The following SNX29 variants were observed in gnomAD, a reference collection of about 807,000 sequenced individuals.
The protein encoded by SNX29 is sorting nexin-29.
Under a neutral mutation model 102.1 loss-of-function variants are expected in SNX29, and 78 were observed. The observed-to-expected ratio is 0.76, with a 90% CI of 0.64 to 0.92. The LOEUF (loss-of-function observed/expected upper bound fraction) is 0.92. SNX29 is among the 40% of genes least tolerant of loss of function. The pLI is 0.00. For missense variants in SNX29, 1,280 were observed against 1,061.7 expected (o/e 1.21, Z -2.86); for synonymous variants, 580 against 414.5 (o/e 1.40, Z -4.85).
At chr16:11,989,890 A>G (rs1286292763) in intron 1 of SNX29, among the ~76,000 whole-genome samples, 1 of 152,122 alleles carries the variant, frequency 6.6e-6, no homozygotes, top group African/African-American at 2.4e-5. Flanking sequence ...AGCCATCGGG[A>G]GGCTGTTTTT....
In SNX29 at chr16:12,154,083, T is replaced by A. The variant is rs998292799; in HGVS notation, c.1595+24325T>A. On this transcript the variant is annotated intron_variant, in intron 13 of 20. Coordinates refer to ENST00000566228, the MANE Select transcript of SNX29 (RefSeq NM_032167.5). The stretch of plus-strand genomic sequence containing the variant: ...ATTTTTATGGAGTTTGACATACAAA[T>A]AATTAGAAGTTTGGGTTTTCCCTCT... Among the ~76,000 whole-genome samples the A allele has an allele frequency of 3.9e-5, 6 of 152,310 alleles. 1 individual carries two copies. Among genetic ancestry groups the A allele is most frequent in the Admixed American group, 3.9e-4 (6 of 15,296 alleles).
chr16:12,261,712 G>A (rs868211916), intron 14 of SNX29, among the ~76,000 whole-genome samples: 23 of 115,994 alleles, frequency 2.0e-4, no homozygotes, highest in East Asian at 2.9e-4. Flanking sequence ...GGGTCTGTGC[G>A]TGCGTCCCCG....
Position 11,976,787 on chromosome 16 carries a change from C to T in SNX29, c.-20C>T. 1 of 1,358,320 alleles carries T rather than the reference C, an allele frequency of 7.4e-7. No homozygotes were observed. The highest frequency in any genetic ancestry group is 9.5e-7 in the Non-Finnish European group (1 of 1,054,242). 84.1% of individuals were successfully genotyped at this position (1,358,320 alleles called of 1,614,324 possible). ...CAGCGGCGGCGGCGCGGCGCAGGCACCGGCCCGGGGAGAGGCACCATGAGC... is the reference window on the plus strand; with the variant it reads ...CAGCGGCGGCGGCGCGGCGCAGGCATCGGCCCGGGGAGAGGCACCATGAGC... On this transcript the variant is annotated 5_prime_UTR_variant, in exon 1 of 21. Coordinates refer to ENST00000566228, the MANE Select transcript of SNX29 (RefSeq NM_032167.5).
intron 18 of SNX29, among the ~76,000 whole-genome samples, chr16:12,457,195 C>T (rs1567582893): frequency 6.6e-6 from 1 of 152,156 alleles, no homozygotes; most frequent in East Asian, 1.9e-4. Context: ...GTACAATAAA[C>T]ACCGGTCATG....
At chr16:12,472,529 C>CAAAAAAAAAAAAAAAACA (rs60223249) in intron 18 of SNX29, among the ~76,000 whole-genome samples, 1 of 72,938 alleles carries the variant, frequency 1.4e-5, no homozygotes, top group Non-Finnish European at 3.3e-5. Flanking sequence ...AAAAAAAAAC[C>CAAAAAAAAAAAAAAAACA]AAAAAAAAAA....
At chr16:12,539,342 T>G (rs1387902763) in intron 20 of SNX29, among the ~76,000 whole-genome samples, 1 of 151,894 alleles carries the variant, frequency 6.6e-6, no homozygotes. Context: ...GAATGTCACA[T>G]AAATGGAATC....
At chr16:12,011,676 A>G (rs1348913137) in intron 3 of SNX29, among the ~76,000 whole-genome samples, 1 of 152,134 alleles carries the variant, frequency 6.6e-6, no homozygotes, top group Non-Finnish European at 1.5e-5. Flanking sequence ...TTATGTTAGC[A>G]CCGTCATCTT....
At chr16:12,418,738 C>G (rs4781233) in intron 18 of SNX29, among the ~76,000 whole-genome samples, 70,427 of 151,920 alleles carry the variant, frequency 0.46, 18,047 homozygotes, top group Non-Finnish European at 0.58. Flanking sequence ...TGGTCTCGAC[C>G]TCCTAACCTC....
intron 20 of SNX29, among the ~76,000 whole-genome samples, chr16:12,561,549 A>G (rs187299608): frequency 6.6e-6 from 1 of 152,158 alleles, no homozygotes; most frequent in Non-Finnish European, 1.5e-5. Flanking sequence ...AGCCATTTTC[A>G]CTGATGAGCA....
At chr16:12,472,911 C>T (rs932326136) in intron 18 of SNX29, among the ~76,000 whole-genome samples, 1 of 152,136 alleles carries the variant, frequency 6.6e-6, no homozygotes, top group Non-Finnish European at 1.5e-5. Context: ...ATATTACCCT[C>T]CTATTTAATC....
rs1235005598 is a variant in SNX29 at position 12,569,131 on chromosome 16, G to A, written c.*502G>A. On this transcript the variant is annotated 3_prime_UTR_variant, in exon 21 of 21. Coordinates refer to ENST00000566228, the MANE Select transcript of SNX29 (RefSeq NM_032167.5). ...GGGATGGCTGGCTTTGCGGGGGGGG[G>A]GGGGGGGGGGGGCATGGTTCCTTTC... 1.3e-4 allele frequency: 19 copies of A among 144,030 alleles called. No homozygotes were observed. Among genetic ancestry groups the A allele is most frequent in the Non-Finnish European group, 1.6e-4 (12 of 73,690 alleles). The allele number at this position is 144,030 out of a possible 1,614,324, so 8.9% of individuals were successfully genotyped here.
At chr16:12,390,136 C>T (rs970201063) in intron 16 of SNX29, among the ~76,000 whole-genome samples, 10 of 146,318 alleles carry the variant, frequency 6.8e-5, no homozygotes, top group Non-Finnish European at 1.2e-4. Flanking sequence ...TTACCCCGTG[C>T]GTGCAATTGA....
intron 14 of SNX29, among the ~76,000 whole-genome samples, chr16:12,273,323 T>G (rs2079146145): frequency 7.2e-6 from 1 of 139,630 alleles, no homozygotes; most frequent in African/African-American, 2.9e-5. Flanking sequence ...ATAATTTTAG[T>G]GGTGGTTTTT....
chr16:12,359,057 G>C (rs932757168), intron 16 of SNX29, among the ~76,000 whole-genome samples: 1 of 152,236 alleles, frequency 6.6e-6, no homozygotes, highest in Non-Finnish European at 1.5e-5. Context: ...TTTATTGCTA[G>C]TGAGTCAGAA....
At chr16:12,227,697 C>T (rs1158025296) in intron 14 of SNX29, among the ~76,000 whole-genome samples, 3 of 151,930 alleles carry the variant, frequency 2.0e-5, no homozygotes, top group African/African-American at 4.8e-5. Flanking sequence ...ATCAGGAGTT[C>T]AAGACCATCT....
At chr16:12,050,496 A>T (rs1349313922) in intron 7 of SNX29, among the ~76,000 whole-genome samples, 3 of 152,036 alleles carry the variant, frequency 2.0e-5, no homozygotes, top group Non-Finnish European at 4.4e-5. Context: ...CGGCTCACTC[A>T]TGGGAGCTGG....
chr16:12,080,057 G>C (rs950127945), intron 11 of SNX29, among the ~76,000 whole-genome samples: 1 of 151,944 alleles, frequency 6.6e-6, no homozygotes, highest in African/African-American at 2.4e-5. Flanking sequence ...TCCTGAATAG[G>C]AGCCCATGGT....
chr16:12,430,449 C>G (rs988039747), intron 18 of SNX29, among the ~76,000 whole-genome samples: 1 of 152,228 alleles, frequency 6.6e-6, no homozygotes, highest in Admixed American at 6.5e-5. Flanking sequence ...GGATCAGGCA[C>G]ACCTGCTTTG....
chr16:12,080,306 G>T (rs1278874741), intron 11 of SNX29, among the ~76,000 whole-genome samples: 2 of 152,220 alleles, frequency 1.3e-5, no homozygotes, highest in Non-Finnish European at 2.9e-5. Flanking sequence ...GAAGCAGGAA[G>T]TGAGCAGACA....
Sources: gnomAD v4.1 joint callset for allele counts (sites outside exome capture counted in the v4.1 genomes callset) on GRCh38, gnomAD v4.1.1 for gene constraint, MANE v1.5 for transcripts, NCBI Gene and HGNC (gene_info 2026-07-23, HGNC 2026-07-21) for gene names.